The following CNTN4 variants were observed in gnomAD, a reference collection of about 807,000 sequenced individuals.
CNTN4 encodes the protein contactin 4, also known as contactin-4.
In CNTN4, 77 loss-of-function variants were observed where a neutral mutation model predicts 122.5. The ratio of observed to expected loss-of-function variants is 0.63; its 90% CI spans 0.52 to 0.76. The LOEUF (loss-of-function observed/expected upper bound fraction) is 0.76. Among genes scored for constraint, CNTN4 ranks in the 30% least tolerant of loss-of-function variants. CNTN4 has a pLI of 0.00. For missense variants in CNTN4, 1,256 were observed against 1,259.1 expected, an observed-to-expected ratio of 1.00 and a Z score of 0.04; for synonymous variants, 512 against 447.0, an observed-to-expected ratio of 1.15 and a Z score of -1.83.
chr3:2,577,651 G>A (rs1472865966), intron 4 of CNTN4, among the ~76,000 whole-genome samples: 2 of 152,096 alleles, frequency 1.3e-5, no homozygotes, highest in African/African-American at 4.8e-5. Flanking sequence ...AGCTCAGCCT[G>A]GAATTCTATT....
chr3:2,718,304 A>G (rs796244545), intron 4 of CNTN4, among the ~76,000 whole-genome samples: 15 of 152,060 alleles, frequency 9.9e-5, no homozygotes, highest in African/African-American at 3.6e-4. Context: ...TTGGGAAAGT[A>G]TATTTCACAC....
chr3:2,191,307 C>T (rs187811965), intron 2 of CNTN4, among the ~76,000 whole-genome samples: 1 of 150,230 alleles, frequency 6.7e-6, no homozygotes, highest in African/African-American at 2.5e-5. Flanking sequence ...CCAGATTATT[C>T]TCAAGTTTAC....
intron 3 of CNTN4, among the ~76,000 whole-genome samples, chr3:2,367,465 G>A (rs913541378): frequency 1.3e-5 from 2 of 152,176 alleles, no homozygotes; most frequent in Non-Finnish European, 2.9e-5. Context: ...GTGGATAAGT[G>A]AAGTTAGAAT....
chr3:2,924,344 T>A (rs1052677886), intron 12 of CNTN4, among the ~76,000 whole-genome samples: 1 of 150,686 alleles, frequency 6.6e-6, no homozygotes, highest in Non-Finnish European at 1.5e-5. Context: ...AACACACACC[T>A]CAAGTTCTCC....
intron 6 of CNTN4, among the ~76,000 whole-genome samples, chr3:2,817,578 G>T (rs1002434745): frequency 1.3e-5 from 2 of 152,236 alleles, no homozygotes; most frequent in African/African-American, 2.4e-5. Context: ...AGCTCAGGAA[G>T]GATAGTTAAA....
chr3:2,108,584 G>A (rs1008489088), intron 2 of CNTN4, among the ~76,000 whole-genome samples: 1 of 152,138 alleles, frequency 6.6e-6, no homozygotes, highest in Non-Finnish European at 1.5e-5. Flanking sequence ...TTGAAATTTG[G>A]AGGCAAAATT....
intron 2 of CNTN4, among the ~76,000 whole-genome samples, chr3:2,194,181 G>T (rs1159755699): frequency 6.6e-6 from 1 of 152,032 alleles, no homozygotes; most frequent in Non-Finnish European, 1.5e-5. Flanking sequence ...AAAGTGAATG[G>T]GGCCAGGCAT....
intron 13 of CNTN4, among the ~76,000 whole-genome samples, chr3:2,979,169 T>G (rs1693714819): frequency 1.3e-5 from 2 of 152,130 alleles, no homozygotes; most frequent in African/African-American, 4.8e-5. Context: ...GAGTTTCCTA[T>G]CTCTTGAGGC....
chr3:2,462,637 G>A (rs560768436), intron 3 of CNTN4, among the ~76,000 whole-genome samples: 5 of 151,986 alleles, frequency 3.3e-5, no homozygotes, highest in Non-Finnish European at 7.4e-5. Flanking sequence ...AGCAAGTTTG[G>A]ACAAAAATAA....
chr3:2,296,722 A>C (rs1052408192), intron 2 of CNTN4, among the ~76,000 whole-genome samples: 1 of 151,800 alleles, frequency 6.6e-6, no homozygotes, highest in African/African-American at 2.4e-5. Flanking sequence ...TGGTCCACAG[A>C]TATTGCAGGT....
intron 2 of CNTN4, among the ~76,000 whole-genome samples, chr3:2,192,498 C>T (rs550038171): frequency 6.6e-6 from 1 of 152,276 alleles, no homozygotes; most frequent in East Asian, 1.9e-4. Context: ...AGTGAATAGG[C>T]AACCTGCAGA....
At chr3:2,208,268 T>C (rs2038452880) in intron 2 of CNTN4, among the ~76,000 whole-genome samples, 1 of 152,022 alleles carries the variant, frequency 6.6e-6, no homozygotes, top group South Asian at 2.1e-4. Context: ...TTACCAGAAG[T>C]TTGGAAGAAG....
intron 2 of CNTN4, among the ~76,000 whole-genome samples, chr3:2,307,954 G>A (rs1489295444): frequency 2.0e-5 from 3 of 152,096 alleles, no homozygotes; most frequent in Non-Finnish European, 2.9e-5. Context: ...GAGCCTGGAA[G>A]TGTTTCTTTG....
intron 3 of CNTN4, among the ~76,000 whole-genome samples, chr3:2,547,803 A>T (rs540122578): frequency 9.1e-4 from 139 of 152,246 alleles, no homozygotes; most frequent in Non-Finnish European, 1.0e-3. Flanking sequence ...TTTAAGTCCA[A>T]AGAGAACTTA....
At chr3:2,391,691 C>T (rs1038167883) in intron 3 of CNTN4, among the ~76,000 whole-genome samples, 3 of 152,136 alleles carry the variant, frequency 2.0e-5, no homozygotes, top group Non-Finnish European at 2.9e-5. Flanking sequence ...AAAGAACTGA[C>T]TACAAAAGCT....
intron 4 of CNTN4, among the ~76,000 whole-genome samples, chr3:2,628,477 C>G (rs764114726): frequency 2.0e-5 from 3 of 152,190 alleles, no homozygotes; most frequent in Non-Finnish European, 2.9e-5. Flanking sequence ...AGAATATTTT[C>G]TACTCTCGAT....
chr3:2,816,447 A>G (rs993512462), intron 6 of CNTN4, among the ~76,000 whole-genome samples: 1 of 152,006 alleles, frequency 6.6e-6, no homozygotes, highest in African/African-American at 2.4e-5. Context: ...GAAGTGGGGC[A>G]AGGGATAAAA....
At chr3:2,345,263 T>G (rs1468678800) in intron 3 of CNTN4, among the ~76,000 whole-genome samples, 1 of 152,232 alleles carries the variant, frequency 6.6e-6, no homozygotes, top group Non-Finnish European at 1.5e-5. Flanking sequence ...ATGATTTTTT[T>G]TTACCCTTTC....
chr3:2,556,511 G>GT (rs373966088), intron 3 of CNTN4, among the ~76,000 whole-genome samples: 40 of 152,150 alleles, frequency 2.6e-4, no homozygotes, highest in African/African-American at 8.4e-4. Flanking sequence ...TGTGCAGTAG[G>GT]TTTTTTTATA....
Sources: allele counts gnomAD v4.1 joint callset (sites outside exome capture counted in the v4.1 genomes callset), GRCh38; gene constraint gnomAD v4.1.1; transcripts MANE v1.5; gene names NCBI Gene and HGNC (gene_info 2026-07-23, HGNC 2026-07-21).